Variants in ARID4B observed in about 807,000 individuals in gnomAD.
The protein encoded by ARID4B is AT-rich interaction domain 4B.
A neutral mutation model predicts 147.5 loss-of-function variants in ARID4B; 26 were observed. That is an observed-to-expected ratio of 0.18 (90% CI 0.13 to 0.24). The LOEUF is 0.24. ARID4B is among the 10% of genes least tolerant of loss of function. The pLI is 1.00. For missense variants in ARID4B, 1,179 were observed against 1,511.5 expected (o/e 0.78, Z 3.65); for synonymous variants, 512 against 507.9 (o/e 1.01, Z -0.11).
intron 2 of ARID4B, among the ~76,000 whole-genome samples, chr1:235,281,344 AGTTCAAG>A (rs1671658192): frequency 5.9e-5 from 9 of 152,150 alleles, no homozygotes. Context: ...TGAGGTAAGG[AGTTCAAG>A]ACTAGCCTGG....
chr1:235,235,995 G>C (rs1218238874), intron 8 of ARID4B, among the ~76,000 whole-genome samples: 2 of 148,568 alleles, frequency 1.3e-5, no homozygotes, highest in East Asian at 4.0e-4. Context: ...GCGTGATCAC[G>C]ACTCAATGCA....
At chr1:235,230,899 CAG>C (rs1668179205) in intron 10 of ARID4B, among the ~76,000 whole-genome samples, 2 of 146,234 alleles carry the variant, frequency 1.4e-5, no homozygotes, top group African/African-American at 5.2e-5. Context: ...CCCTGGGCGA[CAG>C]AGCAAGACTC....
At chr1:235,193,261 G>A (rs112704479) in intron 19 of ARID4B, among the ~76,000 whole-genome samples, 23 of 152,270 alleles carry the variant, frequency 1.5e-4, no homozygotes, top group African/African-American at 4.8e-4. Context: ...GCCGGGCATG[G>A]TGGCATGCGC....
At chr1:235,320,917 C>T (rs1674768569) in intron 2 of ARID4B, among the ~76,000 whole-genome samples, 1 of 152,158 alleles carries the variant, frequency 6.6e-6, no homozygotes, top group African/African-American at 2.4e-5. Context: ...TAAAGTAACC[C>T]ACCCTCTGTC....
rs146269009 is a variant in ARID4B, at chr1:235,211,592, T to A, written c.1841+2177A>T. 5.1e-3 allele frequency among the ~76,000 whole-genome samples: 783 copies of A among 152,280 alleles called. 2 individuals are homozygous for A. The highest frequency in any genetic ancestry group is 8.4e-3 in the Non-Finnish European group (568 of 68,022). Reference sequence around the variant, plus strand: ...TTTTGCTAATCCAAGTATTTCTTAATTTAAGAGATGAGGTCTCATTCTGGC... The same window carrying A: ...TTTTGCTAATCCAAGTATTTCTTAAATTAAGAGATGAGGTCTCATTCTGGC... On this transcript the variant is annotated intron_variant, in intron 17 of 23. Transcript: ENST00000264183.
chr1:235,244,874 G>C (rs1482992443), intron 7 of ARID4B, among the ~76,000 whole-genome samples: 1 of 152,142 alleles, frequency 6.6e-6, no homozygotes, highest in African/African-American at 2.4e-5. Flanking sequence ...TTTGAAGAAA[G>C]GGGAGAAAGA....
intron 2 of ARID4B, among the ~76,000 whole-genome samples, chr1:235,316,640 G>A (rs1280174411): frequency 1.3e-5 from 2 of 152,152 alleles, no homozygotes; most frequent in South Asian, 2.1e-4. Flanking sequence ...CCAACATGGC[G>A]AAACCTCGTC....
intron 2 of ARID4B, among the ~76,000 whole-genome samples, chr1:235,284,911 T>TATATA (rs71172285): frequency 6.7e-6 from 1 of 150,060 alleles, no homozygotes; most frequent in Non-Finnish European, 1.5e-5. Context: ...TATATATATA[T>TATATA]TTTTTTTTTG....
chr1:235,227,564 T>C (rs955601033), intron 11 of ARID4B, among the ~76,000 whole-genome samples: 16 of 152,190 alleles, frequency 1.1e-4, no homozygotes, highest in Admixed American at 5.9e-4. Context: ...ACACATTAAA[T>C]ACATTTCATT....
intron 2 of ARID4B, among the ~76,000 whole-genome samples, chr1:235,319,869 C>T (rs1189715264): frequency 1.3e-5 from 2 of 152,036 alleles, no homozygotes; most frequent in African/African-American, 4.8e-5. Context: ...TGACTCACAC[C>T]TGTAATCCCA....
rs71576467 is a variant in ARID4B at position 235,216,310 on chromosome 1, T to TACACAC, written c.1584-2290_1584-2285dup. Among the ~76,000 whole-genome samples the TACACAC allele has an allele frequency of 1.3e-3, 194 of 149,304 alleles. 1 individual carries two copies. The highest frequency in any genetic ancestry group is 4.6e-3 in the African/African-American group (189 of 40,732). On this transcript the variant is annotated intron_variant, in intron 16 of 23. Coordinates refer to ENST00000264183, the MANE Select transcript of ARID4B (RefSeq NM_016374.6). ...AATCTGAGATATACATATATATGTA[T>TACACAC]ACACACACACACACACACACACATA...
At chr1:235,193,827 A>G (rs540303282) in intron 19 of ARID4B, among the ~76,000 whole-genome samples, 186 bp downstream of exon 19, 2 of 152,358 alleles carry the variant, frequency 1.3e-5, no homozygotes, top group Non-Finnish European at 2.9e-5. Flanking sequence ...TCAAAAAAAA[A>G]TCTGAAATCC....
chr1:235,263,843 A>C (rs1219877732), intron 2 of ARID4B, among the ~76,000 whole-genome samples: 12 of 151,982 alleles, frequency 7.9e-5, no homozygotes, highest in African/African-American at 2.9e-4. Flanking sequence ...AAATACAAAA[A>C]AATAGCTGGG....
chr1:235,169,615 AAGCTCCGCCTTCC>A (rs950772203), intron 23 of ARID4B, among the ~76,000 whole-genome samples: 13 of 150,508 alleles, frequency 8.6e-5, no homozygotes, highest in Admixed American at 7.3e-4. Context: ...GGCTCACTGC[AAGCTCCGCCTTCC>A]AGGTTCACGC....
intron 5 of ARID4B, among the ~76,000 whole-genome samples, chr1:235,255,117 T>C (rs1669868864): frequency 6.6e-6 from 1 of 151,738 alleles, no homozygotes; most frequent in Non-Finnish European, 1.5e-5. Flanking sequence ...AATCCAGCAT[T>C]TATTGTAATA....
At chr1:235,305,805 T>G (rs1364777146) in intron 2 of ARID4B, among the ~76,000 whole-genome samples, 1 of 151,936 alleles carries the variant, frequency 6.6e-6, no homozygotes, top group Non-Finnish European at 1.5e-5. Flanking sequence ...TGAAAAAAGT[T>G]AAAAATTCGC....
intron 9 of ARID4B, among the ~76,000 whole-genome samples, chr1:235,232,395 G>A (rs1668295602): frequency 6.6e-6 from 1 of 151,946 alleles, no homozygotes; most frequent in South Asian, 2.1e-4. Context: ...ACTCCAGCCT[G>A]GGCAACAAGA....
At chr1:235,327,333 C>A (rs1284236186) in intron 1 of ARID4B, 3 of 153,858 alleles carry the variant, frequency 1.9e-5, no homozygotes, top group East Asian at 1.9e-4. Context: ...CGCCCCCACG[C>A]GCCGCGTCCG....
chr1:235,326,792 A>G, intron 2 of ARID4B, 122 bp downstream of exon 2: 1 of 1,303,962 alleles, frequency 7.7e-7, no homozygotes, highest in Admixed American at 1.7e-5. Flanking sequence ...GGGCTCGGTC[A>G]CCAAGTCACC....
Sources: allele counts gnomAD v4.1 joint callset (sites outside exome capture counted in the v4.1 genomes callset), GRCh38; gene constraint gnomAD v4.1.1; transcripts MANE v1.5; gene names NCBI Gene and HGNC (gene_info 2026-07-23, HGNC 2026-07-21).